Variants in SNX4 observed in about 807,000 individuals in gnomAD.
SNX4 encodes sorting nexin 4, also known as sorting nexin-4.
SNX4 carries 49 observed loss-of-function variants against 70.8 expected under a neutral mutation model. The observed-to-expected ratio is 0.69, with a 90% CI of 0.55 to 0.88. The LOEUF is 0.88. Among genes scored for constraint, SNX4 ranks in the 40% least tolerant of loss-of-function variants. SNX4 has a pLI of 0.00. For synonymous variants in SNX4, 206 were observed against 183.8 expected, an observed-to-expected ratio of 1.12 and a Z score of -0.98; for missense variants, 528 against 544.8, an observed-to-expected ratio of 0.97 and a Z score of 0.31.
chr3:125,453,886 C>T lies in SNX4; in HGVS notation c.1114G>A (p.Glu372Lys), dbSNP rs1307512393. ...LFGQETPEQR[E>K]ARIKVLEEQI... is the part of the protein sequence containing the mutation. ...TCTTCTAGCACCTTTATTCTGGCTTCTCTCTGCTCTGGAGTTTCTTGACCA... is the reference window on the plus strand; with the variant it reads ...TCTTCTAGCACCTTTATTCTGGCTTTTCTCTGCTCTGGAGTTTCTTGACCA... Residue 372 changes from glutamate (E) to lysine (K), a missense_variant, in exon 12 of 14, where the codon GAA becomes AAA. This residue lies in a region of SNX4 where 159 missense variants were observed against 172.6 expected (regional missense o/e 0.92). Coordinates refer to ENST00000251775, the MANE Select transcript of SNX4 (RefSeq NM_003794.4). The T allele has an allele frequency of 1.9e-6, 3 of 1,614,014 alleles. No individual in the cohort carries two copies. Among genetic ancestry groups the T allele is most frequent in the Non-Finnish European group, 2.5e-6 (3 of 1,179,916 alleles).
intron 2 of SNX4, 94 bp downstream of exon 2, chr3:125,504,529 C>A: frequency 1.6e-6 from 2 of 1,244,486 alleles, no homozygotes; most frequent in Admixed American, 2.4e-5. Flanking sequence ...AAAAAATAAC[C>A]TTTAAAAAAT....
chr3:125,477,265 G>C (rs1044969986), intron 7 of SNX4, among the ~76,000 whole-genome samples: 1 of 152,130 alleles, frequency 6.6e-6, no homozygotes, highest in Non-Finnish European at 1.5e-5. Context: ...ATTCTATTGA[G>C]ATATAGTTTT....
In SNX4 at chr3:125,489,426, C is replaced by A; in HGVS notation, c.635G>T (p.Arg212Ile). 6.2e-7 allele frequency: 1 copy of A among 1,613,400 alleles called. No individual in the cohort carries two copies. Among genetic ancestry groups the A allele is most frequent in the Non-Finnish European group, 8.5e-7 (1 of 1,179,584 alleles). The change falls in exon 6 of 14, where the codon AGA becomes ATA. Residue 212 changes from arginine to isoleucine, a missense_variant. Physicochemically the swap from Arg to Ile is moderately conservative, Grantham distance 97. Around this residue, in one of 3 missense-constraint regions of SNX4, gnomAD observed 341 missense variants for 312.2 expected, o/e 1.09. Transcript: ENST00000251775. ...SRLKALNATF[R>I]VKNPDKRFTD... ...ACCTTACTTGTCTGGGTTTTTCACT[C>A]TGAATGTTGCATTAAGCGCTTTTAA...
chr3:125,456,509 TG>T (rs1933720025), intron 11 of SNX4, among the ~76,000 whole-genome samples: 2 of 151,974 alleles, frequency 1.3e-5, no homozygotes, highest in Non-Finnish European at 1.5e-5. Context: ...TAGCCAGGCA[TG>T]GGGGCACATG....
At chr3:125,451,706 A>T (rs776838248) in intron 12 of SNX4, among the ~76,000 whole-genome samples, 13 of 151,888 alleles carry the variant, frequency 8.6e-5, no homozygotes, top group Admixed American at 5.9e-4. Flanking sequence ...GGCTCACTGC[A>T]GCCTCTGCAT....
At chr3:125,458,860 CTAATACAGCAATGCACAAAGTA>C (rs1933803093) in intron 10 of SNX4, among the ~76,000 whole-genome samples, 1 of 89,400 alleles carries the variant, frequency 1.1e-5, no homozygotes, top group African/African-American at 5.2e-5. Context: ...AGAAAAGATT[CTAATACAGCAATGCACAAAGTA>C]AAAAAAAGAG....
At chr3:125,463,053 A>G (rs1397723691) in intron 9 of SNX4, among the ~76,000 whole-genome samples, 1 of 152,192 alleles carries the variant, frequency 6.6e-6, no homozygotes, top group Non-Finnish European at 1.5e-5. Context: ...CCTTCTTTCA[A>G]ATTAATTCTG....
chr3:125,464,784 C>T (rs1244521926), intron 9 of SNX4, among the ~76,000 whole-genome samples: 1 of 151,786 alleles, frequency 6.6e-6, no homozygotes, highest in African/African-American at 2.4e-5. Flanking sequence ...GCTCTGTCAC[C>T]CAGGTTGGAG....
At chr3:125,494,446 A>G (rs1934734481) in intron 5 of SNX4, among the ~76,000 whole-genome samples, 1 of 152,208 alleles carries the variant, frequency 6.6e-6, no homozygotes, top group Admixed American at 6.5e-5. Context: ...TACTGAGGCA[A>G]TATTGAGCAA....
intron 9 of SNX4, among the ~76,000 whole-genome samples, chr3:125,467,534 T>C (rs1390307981): frequency 6.6e-6 from 1 of 152,010 alleles, no homozygotes; most frequent in African/African-American, 2.4e-5. Flanking sequence ...AAAACCACAA[T>C]GAGATACCAT....
At chr3:125,462,715 C>G (rs977864213) in intron 9 of SNX4, among the ~76,000 whole-genome samples, 1 of 151,500 alleles carries the variant, frequency 6.6e-6, no homozygotes, top group Non-Finnish European at 1.5e-5. Context: ...TTTAATTACA[C>G]ACACCATTCC....
chr3:125,516,139 C>T (rs1467495174), intron 1 of SNX4, among the ~76,000 whole-genome samples: 1 of 152,134 alleles, frequency 6.6e-6, no homozygotes. Flanking sequence ...AGAGCACTCT[C>T]CCTAAAAATC....
chr3:125,502,083 T>C (rs970337801), intron 2 of SNX4, among the ~76,000 whole-genome samples: 4 of 152,204 alleles, frequency 2.6e-5, no homozygotes, highest in African/African-American at 7.2e-5. Flanking sequence ...ACTAAATATA[T>C]CCTTTTTCAT....
At chr3:125,454,567 G>C (rs921332069) in intron 11 of SNX4, among the ~76,000 whole-genome samples, 9 of 152,134 alleles carry the variant, frequency 5.9e-5, no homozygotes, top group Non-Finnish European at 1.0e-4. Context: ...ATATGCACAG[G>C]TTACATGCAA....
rs746924641 is a variant in SNX4 at position 125,460,879 on chromosome 3, C to A, written c.855-19G>T. 94 of 1,056,738 alleles carry A rather than the reference C, an allele frequency of 8.9e-5. No homozygotes were observed. The highest frequency in any genetic ancestry group is 1.1e-4 in the Non-Finnish European group (79 of 740,220). 65.5% of individuals were successfully genotyped at this position (1,056,738 alleles called of 1,614,324 possible). A position where few individuals can be genotyped will look rare whatever the true frequency, so the allele number is the denominator to read the frequency against. On this transcript the variant is annotated intron_variant, in intron 9 of 13. Transcript: ENST00000251775. ...TGCATACCTGTTTTAAAAAAAAAAA[C>A]ACACATTGCATAGAGTTACTTTCAT...
intron 7 of SNX4, 33 bp downstream of exon 7, chr3:125,480,214 A>G: frequency 2.9e-6 from 4 of 1,366,286 alleles, no homozygotes; most frequent in Non-Finnish European, 4.0e-6. Context: ...TTCCTTATGC[A>G]TGTGCATCAA....
intron 2 of SNX4, among the ~76,000 whole-genome samples, chr3:125,500,005 A>G (rs1247786986): frequency 5.3e-5 from 8 of 152,082 alleles, no homozygotes; most frequent in Non-Finnish European, 7.4e-5. Flanking sequence ...GGTTGCACTG[A>G]GCTGAGATCG....
intron 2 of SNX4, among the ~76,000 whole-genome samples, chr3:125,501,697 G>A (rs1282570889): frequency 6.6e-6 from 1 of 151,792 alleles, no homozygotes. Flanking sequence ...AAAATCCTGG[G>A]CCCTACCCCA....
intron 5 of SNX4, among the ~76,000 whole-genome samples, chr3:125,492,038 G>A (rs777441198): frequency 1.4e-5 from 2 of 145,642 alleles, no homozygotes; most frequent in African/African-American, 5.2e-5. Flanking sequence ...AACCCGTGAG[G>A]CAGAGTTTGC....
Sources: gnomAD v4.1 joint callset for allele counts (sites outside exome capture counted in the v4.1 genomes callset) on GRCh38, gnomAD v4.1.1 for gene constraint, gnomAD v4.1.1 regional missense constraint, MANE v1.5 for transcripts, NCBI Gene and HGNC (gene_info 2026-07-23, HGNC 2026-07-21) for gene names.